The following CUL7 variants were observed in gnomAD, a reference collection of about 807,000 sequenced individuals.
The protein encoded by CUL7 is cullin 7.
In CUL7, 96 loss-of-function variants were observed where a neutral mutation model predicts 177.7. The ratio of observed to expected loss-of-function variants is 0.54; its 90% CI spans 0.46 to 0.64. The LOEUF is 0.64. Ranked by LOEUF, CUL7 falls within the 30% of genes least tolerant of loss-of-function variation. The pLI, the probability that CUL7 is intolerant of heterozygous loss-of-function variation, is 0.00. For missense variants in CUL7, 1,893 were observed against 2,187.9 expected (o/e 0.87, Z 2.69); for synonymous variants, 824 against 890.2 (o/e 0.93, Z 1.32).
At chr6:43,046,629 G>A (rs1241019876) in intron 10 of CUL7, 28 bp from the exon 11 acceptor site, 1 of 1,613,820 alleles carries the variant, frequency 6.2e-7, no homozygotes, top group Non-Finnish European at 8.5e-7. Flanking sequence ...GAGAGAAGGG[G>A]CACAGGGGCA....
Position 43,051,612 on chromosome 6 carries a change from C to G in CUL7, c.732G>C (p.Gln244His). The G allele has an allele frequency of 1.9e-6, 3 of 1,614,154 alleles. No individual in the cohort carries two copies. The highest frequency in any genetic ancestry group is 2.5e-6 in the Non-Finnish European group (3 of 1,180,036). The part of the protein sequence containing the change: ...PMSFEGIQLP[Q>H]VPGRVLFSLV... Reference sequence around the variant, plus strand: ...CCCACCTTACACCCCCAAAGGTTACCTGTGGTAGCTGAATGCCCTCGAAAG... The same window carrying G: ...CCCACCTTACACCCCCAAAGGTTACGTGTGGTAGCTGAATGCCCTCGAAAG... The change falls in exon 3 of 26, where the codon CAG becomes CAC. Residue 244 changes from glutamine to histidine, a missense_variant and splice_region_variant. Physicochemically the swap from Gln to His is conservative, Grantham distance 24. This residue lies in a region of CUL7 where 653 missense variants were observed against 725.2 expected (regional missense o/e 0.90). Transcript: ENST00000265348. The surrounding 1 kb of genome is among the most constrained non-coding windows in gnomAD (Gnocchi z 5.0).
intron 7 of CUL7, 42 bp from the exon 8 acceptor site, chr6:43,048,611 A>C (rs2150329719): frequency 7.7e-7 from 1 of 1,298,952 alleles, no homozygotes. Flanking sequence ...CATTGTTAGT[A>C]ATGTGAAGGC....
rs1763275824 is a variant in CUL7, at chr6:43,040,051, T to G, written c.4294+105A>C. The G allele has an allele frequency of 1.4e-6, 2 of 1,393,768 alleles. No homozygotes were observed. The highest frequency in any genetic ancestry group is 1.4e-5 in the African/African-American group (1 of 70,730). The allele number at this position is 1,393,768 out of a possible 1,614,324, so 86.3% of individuals were successfully genotyped here. On this transcript the variant is annotated intron_variant, in intron 22 of 25. Coordinates refer to ENST00000265348, the MANE Select transcript of CUL7 (RefSeq NM_014780.5). The surrounding 1 kb of genome is among the most constrained non-coding windows in gnomAD (Gnocchi z 4.2). ...ACTGTGCCCAGCCAAAGACTATCTC[T>G]TTTTACATCAAGCCTCCCAACATCA...
rs772760316 is a variant in CUL7 at position 43,038,017 on chromosome 6, G to A, written c.4774-6C>T. ...TTCTGCCAAGCCTCCAGCACCTGGT[G>A]TGGGGGAGGAAGGGAGAAGCGGTAG... is the stretch of plus-strand genomic sequence containing the variant. On this transcript the variant is annotated splice_polypyrimidine_tract_variant and splice_region_variant and intron_variant, in intron 25 of 25. Coordinates refer to ENST00000265348, the MANE Select transcript of CUL7 (RefSeq NM_014780.5). The A allele has an allele frequency of 1.2e-4, 194 of 1,588,982 alleles. 2 individuals carry two copies. The South Asian group carries it at 2.1e-3, about 17-fold the overall frequency.
At chr6:43,044,065 G>A (rs1763680962) in intron 16 of CUL7, among the ~76,000 whole-genome samples, 1 of 152,140 alleles carries the variant, frequency 6.6e-6, no homozygotes, top group South Asian at 2.1e-4. Context: ...GCTCATGCCT[G>A]TAATCCCAGC....
chr6:43,040,730 G>T lies in CUL7; in HGVS notation c.3823C>A (p.Arg1275Ser), dbSNP rs776824739. ...EHYYQHYMADRLLGVVSSWLE... is the reference protein window; with the variant it reads ...EHYYQHYMADSLLGVVSSWLE... The stretch of plus-strand genomic sequence containing the variant: ...CAGCTCGAGACCACGCCCAGGAGAC[G>T]GTCCGCCATGTAGTGCCTGCAGTGC... Residue 1275 changes from arginine (R) to serine (S), a missense_variant, in exon 21 of 26, where the codon CGT (arginine) becomes AGT (serine). Around this residue, in one of 5 missense-constraint regions of CUL7, gnomAD observed 973 missense variants for 1,140.9 expected, o/e 0.85. Transcript: ENST00000265348. This position sits in a 1 kb window ranked among gnomAD's most constrained non-coding sequence, Gnocchi z 4.2. The T allele has an allele frequency of 3.1e-6, 5 of 1,613,992 alleles. No homozygotes were observed. Among genetic ancestry groups the T allele is most frequent in the African/African-American group, 2.7e-5 (2 of 74,920 alleles).
Position 43,049,496 on chromosome 6 carries a change from T to C in CUL7, c.1736A>G (p.Tyr579Cys), listed in dbSNP as rs1381129505. 6.2e-7 allele frequency: 1 copy of C among 1,614,208 alleles called. No homozygotes were observed. The highest frequency in any genetic ancestry group is 8.5e-7 in the Non-Finnish European group (1 of 1,180,046). The stretch of plus-strand genomic sequence containing the variant: ...TTCTTGGGCTTCTAGAAGGGATGGG[T>C]AGGCTTGGTTCCCTGCTAGGGCTTC... Reference protein sequence around the residue: ...GPEALAGNQAYPSLLEAQEDV... With the variant: ...GPEALAGNQACPSLLEAQEDV... Residue 579 changes from tyrosine (Y) to cysteine (C), a missense_variant, in exon 7 of 26, where the codon TAC (tyrosine) becomes TGC (cysteine). Physicochemically the swap from Tyr to Cys is radical, Grantham distance 194 (BLOSUM62 -2). Transcript: ENST00000265348.
At position 43,050,159 on chromosome 6, in the gene CUL7, G is replaced by A; in HGVS notation, c.1373C>T (p.Ala458Val). 1.2e-6 allele frequency: 2 copies of A among 1,614,190 alleles called. No individual in the cohort carries two copies. The highest frequency in any genetic ancestry group is 1.7e-6 in the Non-Finnish European group (2 of 1,180,050). ...GGGCCTCCAGCGCCAGGCAGGCAGGGCTGTGAAAATGGGCCAAGGGGCACA... is the reference window on the plus strand; with the variant it reads ...GGGCCTCCAGCGCCAGGCAGGCAGGACTGTGAAAATGGGCCAAGGGGCACA... ...GAVASRVLGR[A>V]LPAWRWRPMT... The change falls in exon 6 of 26, where the codon GCC (alanine) becomes GTC (valine). Residue 458 changes from alanine (A) to valine (V), a missense_variant and splice_region_variant. Ala to Val is a moderately conservative substitution (Grantham distance 64, BLOSUM62 0). Coordinates refer to ENST00000265348, the MANE Select transcript of CUL7 (RefSeq NM_014780.5). This position sits in a 1 kb window ranked among gnomAD's most constrained non-coding sequence, Gnocchi z 4.1.
intron 16 of CUL7, 88 bp downstream of exon 16, chr6:43,044,636 GCAGGTGCCAAAAGGGCCAGGACATAATC>G: frequency 7.1e-7 from 1 of 1,407,212 alleles, no homozygotes; most frequent in Non-Finnish European, 9.6e-7. Flanking sequence ...GATTACAAAT[GCAGGTGCCAAAAGGGCCAGGACATAATC>G]CAGGTGGTTC....
At chr6:43,049,738 G>A (rs1340621241) in intron 6 of CUL7, 76 bp from the exon 7 acceptor site, 1 of 1,578,982 alleles carries the variant, frequency 6.3e-7, no homozygotes, top group Non-Finnish European at 8.6e-7. Flanking sequence ...GGTAGGGGTG[G>A]GGGTCTCTCT....
rs200200953 is a variant in CUL7, at chr6:43,046,465, A to C, written c.2488+46T>G. The C allele has an allele frequency of 6.2e-5, 100 of 1,614,138 alleles. No homozygotes were observed. In the Admixed American group the frequency reaches 1.6e-3, roughly 26 times the overall value. On this transcript the variant is annotated intron_variant, in intron 11 of 25. Transcript: ENST00000265348. ...GTCAGGTAGGGTGTAGAGGGGAAAC[A>C]GACATAGGTGTGGGGAGGTGGAGCA...
Position 43,051,788 on chromosome 6 carries a change from A to ACTTCTC in CUL7, c.581-31_581-26dup, listed in dbSNP as rs1167042031. On this transcript the variant is annotated intron_variant, in intron 2 of 25. Coordinates refer to ENST00000265348, the MANE Select transcript of CUL7 (RefSeq NM_014780.5). The surrounding 1 kb of genome is among the most constrained non-coding windows in gnomAD (Gnocchi z 5.0). Reference sequence around the variant, plus strand: ...CCTGTAACCCACACCCCAGTTGGTAACTTCTCCCTAATCTCACCCTTCCTA... The same window carrying ACTTCTC: ...CCTGTAACCCACACCCCAGTTGGTAACTTCTCCTTCTCCCTAATCTCACCCTTCCTA... The ACTTCTC allele has an allele frequency of 6.2e-7, 1 of 1,613,712 alleles. No homozygotes were observed.
Position 43,053,847 on chromosome 6 carries a change from G to A in CUL7, c.-234C>T. 1 of 1,533,090 alleles carries A rather than the reference G, an allele frequency of 6.5e-7. No homozygotes were observed. The highest frequency in any genetic ancestry group is 8.7e-7 in the Non-Finnish European group (1 of 1,146,330). The allele number at this position is 1,533,090 out of a possible 1,614,324, so 95.0% of individuals were successfully genotyped here. On this transcript the variant is annotated 5_prime_UTR_variant, in exon 1 of 26. Coordinates refer to ENST00000265348, the MANE Select transcript of CUL7 (RefSeq NM_014780.5). The surrounding 1 kb of genome is among the most constrained non-coding windows in gnomAD (Gnocchi z 4.1). Reference sequence around the variant, plus strand: ...CTGCCAGCGGCTCCGCCAGCCAAAAGCCACGGCTCATTTCCGCCCGACCCA... The same window carrying A: ...CTGCCAGCGGCTCCGCCAGCCAAAAACCACGGCTCATTTCCGCCCGACCCA...
chr6:43,051,868 G>GA lies in CUL7; in HGVS notation c.581-106dup. ...CAATCCTTTTGCCACCACACAATGA[G>GA]AAAGAACTGATTTGCTTCAAAAGCT... On this transcript the variant is annotated intron_variant, in intron 2 of 25. Transcript: ENST00000265348. This position sits in a 1 kb window ranked among gnomAD's most constrained non-coding sequence, Gnocchi z 5.0. 1 of 1,427,624 alleles carries GA rather than the reference G, an allele frequency of 7.0e-7. No individual in the cohort carries two copies. The allele number at this position is 1,427,624 out of a possible 1,614,324, so 88.4% of individuals were successfully genotyped here.
rs1383935252 is a variant in CUL7, at chr6:43,052,371, T to C, written c.418A>G (p.Thr140Ala). The change falls in exon 2 of 26, where the codon ACT becomes GCT. Residue 140 changes from threonine (T) to alanine (A), a missense_variant. Thr to Ala is a moderately conservative substitution (Grantham distance 58, BLOSUM62 0). Around this residue, in one of 5 missense-constraint regions of CUL7, gnomAD observed 653 missense variants for 725.2 expected, o/e 0.90. Coordinates refer to ENST00000265348, the MANE Select transcript of CUL7 (RefSeq NM_014780.5). This position sits in a 1 kb window ranked among gnomAD's most constrained non-coding sequence, Gnocchi z 4.5. The stretch of plus-strand genomic sequence containing the variant: ...GCATAGGCGCTGAGCACGTGGACAG[T>C]GTGAAGTAGAGGAGCAGGAGGGATA... ...GTIPPAPLLH[T>A]VHVLSAYASI... The C allele has an allele frequency of 1.9e-6, 3 of 1,614,198 alleles. No individual in the cohort carries two copies. The highest frequency in any genetic ancestry group is 1.7e-5 in the Admixed American group (1 of 60,030).
At position 43,045,389 on chromosome 6, in the gene CUL7, G is replaced by C. The variant is rs1191891766; in HGVS notation, c.2876C>G (p.Thr959Arg). 6.2e-7 allele frequency: 1 copy of C among 1,614,038 alleles called. No individual in the cohort carries two copies. Among genetic ancestry groups the C allele is most frequent in the Non-Finnish European group, 8.5e-7 (1 of 1,180,002 alleles). The change falls in exon 15 of 26, where the codon ACG becomes AGG. Residue 959 changes from threonine (T) to arginine (R), a missense_variant. This residue lies in a region of CUL7 where 973 missense variants were observed against 1,140.9 expected (regional missense o/e 0.85). Coordinates refer to ENST00000265348, the MANE Select transcript of CUL7 (RefSeq NM_014780.5). This position sits in a 1 kb window ranked among gnomAD's most constrained non-coding sequence, Gnocchi z 4.8. ...IKRCQQGGID[T>R]RIRGLEILGP... ...TAGGATCTCTAACCCCCGAATGCGC[G>C]TATCAATGCCACCCTGAAACACACA...
chr6:43,044,635 T>G, intron 16 of CUL7, 117 bp downstream of exon 16: 2 of 1,409,194 alleles, frequency 1.4e-6, no homozygotes, highest in Non-Finnish European at 1.9e-6. Flanking sequence ...GGATTACAAA[T>G]GCAGGTGCCA....
chr6:43,050,999 C>G lies in CUL7; in HGVS notation c.1202G>C (p.Arg401Pro). ...EISAGDEGEF[R>P]QSNNGVPPVQ... is the part of the protein sequence containing the mutation. ...AGGAGGCACACCGTTGTTGCTCTGCCGAAACTCGCCCTCATCCCCGGCACT... is the reference window on the plus strand; with the variant it reads ...AGGAGGCACACCGTTGTTGCTCTGCGGAAACTCGCCCTCATCCCCGGCACT... Residue 401 changes from arginine to proline, a missense_variant, in exon 4 of 26, where the codon CGG becomes CCG. Transcript: ENST00000265348. The surrounding 1 kb of genome is among the most constrained non-coding windows in gnomAD (Gnocchi z 4.1). 1 of 1,614,124 alleles carries G rather than the reference C, an allele frequency of 6.2e-7. No individual in the cohort carries two copies. The highest frequency in any genetic ancestry group is 8.5e-7 in the Non-Finnish European group (1 of 1,180,026).
At position 43,043,744 on chromosome 6, in the gene CUL7, G is replaced by T. The variant is rs538802652; in HGVS notation, c.3173-114C>A. On this transcript the variant is annotated intron_variant, in intron 16 of 25. Transcript: ENST00000265348. The surrounding 1 kb of genome is among the most constrained non-coding windows in gnomAD (Gnocchi z 4.2). The stretch of plus-strand genomic sequence containing the variant: ...AACTGGACGGAATGATACAAGGAAG[G>T]GGGGCCAGGTAGGGTGGTTTACGCC... 1.7e-5 allele frequency: 13 copies of T among 767,350 alleles called. No homozygotes were observed. The highest frequency in any genetic ancestry group is 2.4e-4 in the Middle Eastern group (1 of 4,138). The allele number at this position is 767,350 out of a possible 1,614,324, so 47.5% of individuals were successfully genotyped here.
Sources: gnomAD v4.1 joint callset for allele counts (sites outside exome capture counted in the v4.1 genomes callset) on GRCh38, gnomAD v4.1.1 for gene constraint, gnomAD v4.1.1 regional missense constraint, Gnocchi (gnomAD v3.1) non-coding constraint, MANE v1.5 for transcripts, NCBI Gene and HGNC (gene_info 2026-07-23, HGNC 2026-07-21) for gene names.